The following PRR16 variants were observed in gnomAD, a reference collection of about 807,000 sequenced individuals.
PRR16 encodes the protein protein Largen.
PRR16 carries 6 observed loss-of-function variants against 18.2 expected under a neutral mutation model. The observed-to-expected ratio is 0.33, with a 90% confidence interval of 0.18 to 0.65. The LOEUF is 0.65. Among genes scored for constraint, PRR16 ranks in the 30% least tolerant of loss-of-function variants. The pLI is 0.74. For missense variants in PRR16, 412 were observed against 376.6 expected, an observed-to-expected ratio of 1.09 and a Z score of -0.78; for synonymous variants, 151 against 147.8, an observed-to-expected ratio of 1.02 and a Z score of -0.16.
chr5:120,491,220 C>G (rs1431144265), intron 1 of PRR16, among the ~76,000 whole-genome samples: 1 of 152,046 alleles, frequency 6.6e-6, no homozygotes, highest in Non-Finnish European at 1.5e-5. Context: ...TTAATGTTTC[C>G]CTGGTGTTAC....
chr5:120,553,250 A>G (rs1752309899), intron 1 of PRR16, among the ~76,000 whole-genome samples: 1 of 151,870 alleles, frequency 6.6e-6, no homozygotes, highest in African/African-American at 2.4e-5. Context: ...ATTAAGGACT[A>G]GTCTGCGCCA....
rs111905176 is a variant in PRR16, at chr5:120,649,932, A to G, written c.160-36022A>G. Among the ~76,000 whole-genome samples the G allele has an allele frequency of 5.1e-3, 777 of 152,204 alleles. 1 individual carries two copies. Among genetic ancestry groups the G allele is most frequent in the African/African-American group, 0.018 (744 of 41,560 alleles). ...TTGTGATATTAACTCTGAATATTAT[A>G]TAGTGTATATTTTTGGACATTTTCT... is the stretch of plus-strand genomic sequence containing the variant. On this transcript the variant is annotated intron_variant, in intron 1 of 1. Coordinates refer to ENST00000407149, the MANE Select transcript of PRR16 (RefSeq NM_001300783.2).
the PRR16 span, among the ~76,000 whole-genome samples, chr5:120,721,172 A>C: frequency 6.6e-6 from 1 of 152,088 alleles, no homozygotes; most frequent in South Asian, 2.1e-4. Context: ...GACTTTATTC[A>C]GTGACTATTA....
At chr5:120,474,292 G>A (rs1749366561) in intron 1 of PRR16, among the ~76,000 whole-genome samples, 1 of 152,008 alleles carries the variant, frequency 6.6e-6, no homozygotes, top group South Asian at 2.1e-4. Flanking sequence ...ATTCTTTGTT[G>A]GGGGGATTGT....
the PRR16 span, among the ~76,000 whole-genome samples, chr5:120,708,978 CTTTTTTTTTTTTTTTTTTT>C: frequency 2.4e-3 from 107 of 43,690 alleles, no homozygotes; most frequent in African/African-American, 9.2e-3. Context: ...CTCTTTGGTA[CTTTTTTTTTTTTTTTTTTT>C]TTTTTTTTTT....
At chr5:120,783,136 T>G in the PRR16 span, among the ~76,000 whole-genome samples, 1 of 152,168 alleles carries the variant, frequency 6.6e-6, no homozygotes. Context: ...TCATATATAA[T>G]TCATAAGAAA....
the PRR16 span, among the ~76,000 whole-genome samples, chr5:120,772,907 T>C: frequency 6.6e-6 from 1 of 152,164 alleles, no homozygotes; most frequent in Non-Finnish European, 1.5e-5. Context: ...TACGAATTTT[T>C]ACATTTAAGC....
chr5:120,581,181 T>A (rs912917452), intron 1 of PRR16, among the ~76,000 whole-genome samples: 1 of 152,206 alleles, frequency 6.6e-6, no homozygotes, highest in Non-Finnish European at 1.5e-5. Flanking sequence ...GGCTATTAAT[T>A]ACTACCTCAA....
chr5:120,581,561 CT>C (rs1753273587), intron 1 of PRR16, among the ~76,000 whole-genome samples: 3 of 152,136 alleles, frequency 2.0e-5, no homozygotes, highest in Middle Eastern at 3.4e-3. Flanking sequence ...CTTCTGCTAG[CT>C]TTTGGATTAG....
chr5:120,559,208 C>T (rs960604990), intron 1 of PRR16, among the ~76,000 whole-genome samples: 1 of 151,838 alleles, frequency 6.6e-6, no homozygotes, highest in Non-Finnish European at 1.5e-5. Flanking sequence ...GGATATTACT[C>T]AAGAAATTTT....
chr5:120,513,616 C>T (rs1750898400), intron 1 of PRR16, among the ~76,000 whole-genome samples: 1 of 152,144 alleles, frequency 6.6e-6, no homozygotes, highest in African/African-American at 2.4e-5. Context: ...ACTGGCCCTC[C>T]TCATCACAGT....
intron 1 of PRR16, among the ~76,000 whole-genome samples, chr5:120,523,634 A>G (rs1273373191): frequency 6.6e-6 from 1 of 152,140 alleles, no homozygotes; most frequent in African/African-American, 2.4e-5. Flanking sequence ...TTCATACTAA[A>G]CTATAAACAT....
chr5:120,686,424 A>T lies in PRR16; in HGVS notation c.630A>T (p.Lys210Asn). 1 of 1,614,160 alleles carries T rather than the reference A, an allele frequency of 6.2e-7. No homozygotes were observed. The highest frequency in any genetic ancestry group is 8.5e-7 in the Non-Finnish European group (1 of 1,180,004). ...GAGAACGAGTTCGGTTTAATGAAAA[A>T]GTACAGTACCATGGCTATTGTCCTG... ...GPRERVRFNE[K>N]VQYHGYCPDC... The change falls in exon 2 of 2, where the codon AAA becomes AAT. Residue 210 changes from lysine (K) to asparagine (N), a missense_variant. Lys to Asn is a moderately conservative substitution (Grantham distance 94, BLOSUM62 0). Coordinates refer to ENST00000407149, the MANE Select transcript of PRR16 (RefSeq NM_001300783.2).
the PRR16 span, among the ~76,000 whole-genome samples, chr5:120,702,653 C>T: frequency 6.6e-6 from 1 of 152,180 alleles, no homozygotes; most frequent in South Asian, 2.1e-4. Flanking sequence ...TGACCGGCGC[C>T]GGAGTTTTGG....
chr5:120,609,401 C>G (rs1483209288), intron 1 of PRR16, among the ~76,000 whole-genome samples: 2 of 150,648 alleles, frequency 1.3e-5, no homozygotes, highest in Non-Finnish European at 2.9e-5. Flanking sequence ...CTCTATCCTA[C>G]TTTCTAAAAA....
chr5:120,709,004 TTTTTTTTTTTTTTTTTTTTTTG>T, the PRR16 span, among the ~76,000 whole-genome samples: 76 of 33,020 alleles, frequency 2.3e-3, no homozygotes, highest in East Asian at 0.012. Context: ...TTTTTTTTTT[TTTTTTTTTTTTTTTTTTTTTTG>T]AGACAGAGTC....
At chr5:120,760,734 T>A in the PRR16 span, among the ~76,000 whole-genome samples, 1 of 152,146 alleles carries the variant, frequency 6.6e-6, no homozygotes, top group Non-Finnish European at 1.5e-5. Flanking sequence ...GGGAGCAACC[T>A]TCGACCAATA....
chr5:120,666,499 C>G (rs1199468430), intron 1 of PRR16, among the ~76,000 whole-genome samples: 1 of 151,294 alleles, frequency 6.6e-6, no homozygotes, highest in Non-Finnish European at 1.5e-5. Context: ...CACTATGTTG[C>G]ATAGGAGTGG....
intron 1 of PRR16, among the ~76,000 whole-genome samples, chr5:120,487,864 T>C (rs577461225): frequency 1.1e-4 from 17 of 152,340 alleles, no homozygotes; most frequent in African/African-American, 3.8e-4. Flanking sequence ...TGAAGCGTTG[T>C]TGAATTTTGT....
Sources: allele counts gnomAD v4.1 joint callset (sites outside exome capture counted in the v4.1 genomes callset), GRCh38; gene constraint gnomAD v4.1.1; transcripts MANE v1.5; gene names NCBI Gene and HGNC (gene_info 2026-07-23, HGNC 2026-07-21).